The following LNPEP variants were observed in gnomAD, a reference collection of about 807,000 sequenced individuals.
LNPEP encodes the protein leucyl and cystinyl aminopeptidase, also known as leucyl-cystinyl aminopeptidase.
A neutral mutation model predicts 120.6 loss-of-function variants in LNPEP; 64 were observed. The ratio of observed to expected loss-of-function variants is 0.53; its 90% CI spans 0.43 to 0.65. LNPEP has a LOEUF of 0.65. Among genes scored for constraint, LNPEP ranks in the 30% least tolerant of loss-of-function variants. LNPEP has a pLI of 0.00. For missense variants in LNPEP, 1,057 were observed against 1,200.0 expected, an observed-to-expected ratio of 0.88 and a Z score of 1.76; for synonymous variants, 435 against 425.4, an observed-to-expected ratio of 1.02 and a Z score of -0.28.
rs144044667 is a variant in LNPEP at position 97,024,636 on chromosome 5, A to C, written c.2677A>C (p.Ile893Leu). ...AGGCTCTGAAGCAGAGAAGAACAAAATACTAGAAGCACTTGCCAGCTCAGA... is the reference window on the plus strand; with the variant it reads ...AGGCTCTGAAGCAGAGAAGAACAAACTACTAGAAGCACTTGCCAGCTCAGA... ...SIGSEAEKNK[I>L]LEALASSEDV... Residue 893 changes from isoleucine (I) to leucine (L), a missense_variant, in exon 15 of 18, where the codon ATA becomes CTA. Transcript: ENST00000231368. 2.8e-5 allele frequency: 45 copies of C among 1,614,000 alleles called. No homozygotes were observed. Among genetic ancestry groups the C allele is most frequent in the Non-Finnish European group, 3.8e-5 (45 of 1,179,970 alleles).
chr5:97,010,140 G>A (rs1790890690), intron 11 of LNPEP: 1 of 352,204 alleles, frequency 2.8e-6, no homozygotes, highest in African/African-American at 2.2e-5. Context: ...CATTTTTCCA[G>A]TTTACATATT....
At chr5:96,984,499 G>A (rs913598471) in intron 2 of LNPEP, among the ~76,000 whole-genome samples, 8 of 152,084 alleles carry the variant, frequency 5.3e-5, no homozygotes, top group African/African-American at 1.9e-4. Flanking sequence ...GTGGAGGCCT[G>A]GGGAGTTTCT....
In LNPEP at chr5:96,936,123, G is replaced by C. The variant is rs531532706; in HGVS notation, c.-33G>C. 1.3e-5 allele frequency: 19 copies of C among 1,513,662 alleles called. No individual in the cohort carries two copies. In the African/African-American group the frequency reaches 2.6e-4, roughly 21 times the overall value. The allele number at this position is 1,513,662 out of a possible 1,614,324, so 93.8% of individuals were successfully genotyped here. A position where few individuals can be genotyped will look rare whatever the true frequency, so the allele number is the denominator to read the frequency against. On this transcript the variant is annotated 5_prime_UTR_variant, in exon 1 of 18. Coordinates refer to ENST00000231368, the MANE Select transcript of LNPEP (RefSeq NM_005575.3). Reference sequence around the variant, plus strand: ...AGCTCTCGGAGTAGGAAGCTCGGGCGCTCCGGCTGTAAGGAGCCGCGGCGG... The same window carrying C: ...AGCTCTCGGAGTAGGAAGCTCGGGCCCTCCGGCTGTAAGGAGCCGCGGCGG...
chr5:97,011,911 A>G (rs962668672), intron 11 of LNPEP, among the ~76,000 whole-genome samples: 4 of 152,192 alleles, frequency 2.6e-5, no homozygotes, highest in African/African-American at 9.6e-5. Context: ...AAAGATATTA[A>G]GGGCATCTGA....
chr5:96,968,090 A>G lies in LNPEP; in HGVS notation c.20-11048A>G, dbSNP rs1789769622. Among the ~76,000 whole-genome samples the G allele has an allele frequency of 2.6e-5, 4 of 152,130 alleles. No individual in the cohort carries two copies. The South Asian group carries it at 8.3e-4, about 31-fold the overall frequency. On this transcript the variant is annotated intron_variant, in intron 1 of 17. Coordinates refer to ENST00000231368, the MANE Select transcript of LNPEP (RefSeq NM_005575.3). ...AAATGTAGAGCAGGTTTTGGAACTCAATATTTCATCCTAAATGTGAAAGAC... is the reference window on the plus strand; with the variant it reads ...AAATGTAGAGCAGGTTTTGGAACTCGATATTTCATCCTAAATGTGAAAGAC...
At position 96,979,629 on chromosome 5, in the gene LNPEP, G is replaced by C; in HGVS notation, c.511G>C (p.Ala171Pro). 1 of 1,614,060 alleles carries C rather than the reference G, an allele frequency of 6.2e-7. No homozygotes were observed. Among genetic ancestry groups the C allele is most frequent in the Non-Finnish European group, 8.5e-7 (1 of 1,179,976 alleles). Residue 171 changes from alanine (A) to proline (P), a missense_variant, in exon 2 of 18, where the codon GCC becomes CCC. Transcript: ENST00000231368. ...ATGGGCACAGATCAGGCTTCCCACTGCCGTTGTGCCACTACGCTATGAACT... is the reference window on the plus strand; with the variant it reads ...ATGGGCACAGATCAGGCTTCCCACTCCCGTTGTGCCACTACGCTATGAACT... Reference protein sequence around the residue: ...FPWAQIRLPTAVVPLRYELSL... With the variant: ...FPWAQIRLPTPVVPLRYELSL...
chr5:96,948,300 T>C (rs2112564016), intron 1 of LNPEP, among the ~76,000 whole-genome samples: 1 of 152,232 alleles, frequency 6.6e-6, no homozygotes, highest in African/African-American at 2.4e-5. Flanking sequence ...ATATTTTTAG[T>C]GGAGACAGGG....
At chr5:97,022,630 A>T (rs1366375092) in intron 14 of LNPEP, 146 bp downstream of exon 14, 7 of 674,616 alleles carry the variant, frequency 1.0e-5, no homozygotes, top group Non-Finnish European at 1.7e-5. Context: ...GCATTCTCAA[A>T]CAAGACTTTT....
At chr5:96,986,433 G>A (rs1453102818) in intron 3 of LNPEP, 106 bp from the exon 4 acceptor site, 3 of 1,107,594 alleles carry the variant, frequency 2.7e-6, no homozygotes, top group African/African-American at 1.6e-5. Flanking sequence ...TAATATGCTA[G>A]CATCTTTACC....
Position 96,993,123 on chromosome 5 carries a change from C to G in LNPEP, c.1240C>G (p.Leu414Val). 1.3e-6 allele frequency: 2 copies of G among 1,582,480 alleles called. No individual in the cohort carries two copies. The highest frequency in any genetic ancestry group is 1.7e-6 in the Non-Finnish European group (2 of 1,161,168). The change falls in exon 5 of 18, where the codon CTT becomes GTT. Residue 414 changes from leucine to valine, a missense_variant. Coordinates refer to ENST00000231368, the MANE Select transcript of LNPEP (RefSeq NM_005575.3). Reference sequence around the variant, plus strand: ...AAACTACTTTGAAATTCAGTACCCACTTAAGAAATTGGGTAAGAATCAAAT... The same window carrying G: ...AAACTACTTTGAAATTCAGTACCCAGTTAAGAAATTGGGTAAGAATCAAAT... Reference protein sequence around the residue: ...FQNYFEIQYPLKKLDLVAIPD... With the variant: ...FQNYFEIQYPVKKLDLVAIPD...
chr5:97,027,710 CT>C, intron 16 of LNPEP, 22 bp from the exon 17 acceptor site: 1 of 1,480,142 alleles, frequency 6.8e-7, no homozygotes. Flanking sequence ...AATCTTTTTG[CT>C]CTTGTTTTTG....
chr5:97,016,080 T>C (rs1040967498), intron 13 of LNPEP, among the ~76,000 whole-genome samples: 2 of 152,076 alleles, frequency 1.3e-5, no homozygotes, highest in African/African-American at 2.4e-5. Flanking sequence ...AGTGGATGTA[T>C]GGAGCTTGAA....
At position 96,954,765 on chromosome 5, in the gene LNPEP, TATATATA is replaced by T. The variant is rs1423920930; in HGVS notation, c.19+18592_19+18598del. 6.6e-4 allele frequency among the ~76,000 whole-genome samples: 28 copies of T among 42,726 alleles called. 4 individuals are homozygous for T. Among genetic ancestry groups the T allele is most frequent in the African/African-American group, 1.4e-3 (16 of 11,504 alleles). 28.0% of individuals were successfully genotyped at this position (42,726 alleles called of 152,430 possible). ...ATATATACACATATATATATATATA[TATATATA>T]TTTTTTTTTTTTTTTTTTTTTTTTT... On this transcript the variant is annotated intron_variant, in intron 1 of 17. Transcript: ENST00000231368.
chr5:96,992,039 A>G (rs1322925332), intron 4 of LNPEP, among the ~76,000 whole-genome samples: 1 of 151,998 alleles, frequency 6.6e-6, no homozygotes, highest in Admixed American at 6.6e-5. Context: ...AAAAAAATAA[A>G]TACTGTTTTG....
At chr5:97,021,918 CTTTTGT>C (rs1561455277) in intron 13 of LNPEP, among the ~76,000 whole-genome samples, 21 of 50,016 alleles carry the variant, frequency 4.2e-4, no homozygotes, top group African/African-American at 1.6e-3. Context: ...TGTTTTTTGT[CTTTTGT>C]TTTTTTTTTT....
rs145142248 is a variant in LNPEP at position 96,996,070 on chromosome 5, G to A, written c.1408-320G>A. On this transcript the variant is annotated intron_variant, in intron 6 of 17. Coordinates refer to ENST00000231368, the MANE Select transcript of LNPEP (RefSeq NM_005575.3). ...GGAAATCTCACTTTATGAGGTGGCCGAAAAAAGTTTTTATTTCCCTATATT... is the reference window on the plus strand; with the variant it reads ...GGAAATCTCACTTTATGAGGTGGCCAAAAAAAGTTTTTATTTCCCTATATT... 518 of 171,192 alleles carry A rather than the reference G, an allele frequency of 3.0e-3. 5 individuals carry two copies. Among genetic ancestry groups the A allele is most frequent in the Admixed American group, 0.022 (351 of 15,814 alleles). The allele number at this position is 171,192 out of a possible 1,614,324, so 10.6% of individuals were successfully genotyped here.
At chr5:96,953,987 C>T (rs1258238758) in intron 1 of LNPEP, among the ~76,000 whole-genome samples, 1 of 152,178 alleles carries the variant, frequency 6.6e-6, no homozygotes, top group East Asian at 1.9e-4. Context: ...TTACTAGGTA[C>T]ATTGCAGAAT....
In LNPEP at chr5:97,013,641, C is replaced by A. The variant is rs1308096063; in HGVS notation, c.2036-7C>A. The A allele has an allele frequency of 6.8e-7, 1 of 1,474,082 alleles. No homozygotes were observed. 91.3% of individuals were successfully genotyped at this position (1,474,082 alleles called of 1,614,324 possible). A position where few individuals can be genotyped will look rare whatever the true frequency, so the allele number is the denominator to read the frequency against. On this transcript the variant is annotated splice_polypyrimidine_tract_variant and splice_region_variant and intron_variant, in intron 11 of 17. Transcript: ENST00000231368. ...TCTCAATCTCTCATTTTTTTGGTTTCCATTAGGTGTCATCAATCTTACAGA... is the reference window on the plus strand; with the variant it reads ...TCTCAATCTCTCATTTTTTTGGTTTACATTAGGTGTCATCAATCTTACAGA...
intron 1 of LNPEP, among the ~76,000 whole-genome samples, chr5:96,961,012 G>T (rs1235725762): frequency 6.6e-6 from 1 of 151,940 alleles, no homozygotes; most frequent in Admixed American, 6.6e-5. Context: ...AAAGTTTTGA[G>T]AATTCATTTT....
Sources: gnomAD v4.1 joint callset for allele counts (sites outside exome capture counted in the v4.1 genomes callset) on GRCh38, gnomAD v4.1.1 for gene constraint, MANE v1.5 for transcripts, NCBI Gene and HGNC (gene_info 2026-07-23, HGNC 2026-07-21) for gene names.